NLGN1: variants seen among roughly 807,000 people sequenced by gnomAD.
NLGN1 encodes the protein neuroligin 1, also known as neuroligin-1.
Under a neutral mutation model 65.5 loss-of-function variants are expected in NLGN1, and 12 were observed. That is an observed-to-expected ratio of 0.18 (90% CI 0.12 to 0.30). NLGN1 has a LOEUF of 0.30. Ranked by LOEUF, NLGN1 falls within the 10% of genes least tolerant of loss-of-function variation. The probability of loss-of-function intolerance (pLI) is 1.00; values close to 1 mark genes in which losing one functional copy is unlikely to be tolerated. For missense variants in NLGN1, 750 were observed against 1,007.1 expected, an observed-to-expected ratio of 0.74 and a Z score of 3.46; for synonymous variants, 350 against 359.5, an observed-to-expected ratio of 0.97 and a Z score of 0.30.
chr3:173,998,032 G>A (rs554772531), intron 4 of NLGN1, among the ~76,000 whole-genome samples: 1 of 152,114 alleles, frequency 6.6e-6, no homozygotes, highest in Non-Finnish European at 1.5e-5. Flanking sequence ...CTTGAGATTA[G>A]CCAAGGAGAT....
intron 4 of NLGN1, among the ~76,000 whole-genome samples, chr3:173,963,116 A>G (rs1177038159): frequency 1.3e-5 from 2 of 152,100 alleles, no homozygotes; most frequent in Non-Finnish European, 2.9e-5. Flanking sequence ...AAAATGCATT[A>G]TCTCATCTGA....
intron 3 of NLGN1, among the ~76,000 whole-genome samples, chr3:173,800,531 A>C (rs1454343568): frequency 6.6e-6 from 1 of 151,618 alleles, no homozygotes; most frequent in Non-Finnish European, 1.5e-5. Context: ...TTTTTAAAAA[A>C]TTAATATTAA....
At chr3:173,733,413 CT>C (rs1362293093) in intron 3 of NLGN1, among the ~76,000 whole-genome samples, 1 of 152,098 alleles carries the variant, frequency 6.6e-6, no homozygotes, top group Non-Finnish European at 1.5e-5. Context: ...TTCCTTCTCT[CT>C]TTCCCTTTCC....
chr3:173,468,761 T>TA (rs1724808669), intron 2 of NLGN1, among the ~76,000 whole-genome samples: 1 of 152,030 alleles, frequency 6.6e-6, no homozygotes, highest in Non-Finnish European at 1.5e-5. Flanking sequence ...TAATGACTTT[T>TA]AAAAAATAGC....
chr3:173,568,214 TTTTCC>T (rs935967285), intron 2 of NLGN1, among the ~76,000 whole-genome samples: 2 of 143,848 alleles, frequency 1.4e-5, no homozygotes, highest in Admixed American at 1.5e-4. Context: ...TTTCCTTTCC[TTTTCC>T]TTTCCTTTCC....
intron 4 of NLGN1, among the ~76,000 whole-genome samples, chr3:173,819,282 C>G (rs1005887324): frequency 1.3e-5 from 2 of 152,070 alleles, no homozygotes; most frequent in Non-Finnish European, 2.9e-5. Flanking sequence ...AATTCATATG[C>G]CAATTGCATC....
At chr3:173,408,779 G>T (rs1269449526) in intron 1 of NLGN1, among the ~76,000 whole-genome samples, 1 of 152,042 alleles carries the variant, frequency 6.6e-6, no homozygotes, top group African/African-American at 2.4e-5. Context: ...GGGCGTGGTG[G>T]CGGGTGCCTG....
At chr3:174,008,030 T>C (rs950905477) in intron 4 of NLGN1, among the ~76,000 whole-genome samples, 1 of 151,992 alleles carries the variant, frequency 6.6e-6, no homozygotes, top group African/African-American at 2.4e-5. Context: ...TGCAGAAGGA[T>C]GTATTTGCCC....
chr3:173,841,147 T>TTATATA (rs34913436), intron 4 of NLGN1, among the ~76,000 whole-genome samples: 42 of 149,990 alleles, frequency 2.8e-4, no homozygotes, highest in Middle Eastern at 3.4e-3. Flanking sequence ...ATATCTATAG[T>TTATATA]TATATATATA....
intron 4 of NLGN1, among the ~76,000 whole-genome samples, chr3:174,272,698 G>GATAGATAT (rs1193341427): frequency 6.6e-6 from 1 of 150,546 alleles, no homozygotes; most frequent in Non-Finnish European, 1.5e-5. Context: ...TAGATAGATA[G>GATAGATAT]ATAGATAGAT....
intron 3 of NLGN1, among the ~76,000 whole-genome samples, chr3:173,659,150 A>G (rs190325844): frequency 9.9e-4 from 151 of 152,134 alleles, no homozygotes; most frequent in Non-Finnish European, 2.0e-3. Flanking sequence ...TATTGAGAGC[A>G]ATAACCAGTG....
intron 4 of NLGN1, among the ~76,000 whole-genome samples, chr3:174,148,816 G>A (rs1421789436): frequency 6.6e-6 from 1 of 152,120 alleles, no homozygotes; most frequent in Non-Finnish European, 1.5e-5. Context: ...GTATGTGCAT[G>A]ATACAGTGGT....
chr3:173,816,802 T>C (rs940699853), intron 4 of NLGN1, among the ~76,000 whole-genome samples: 1 of 152,244 alleles, frequency 6.6e-6, no homozygotes, highest in Non-Finnish European at 1.5e-5. Context: ...CCCAGATCTT[T>C]GTGGGGCCAG....
intron 3 of NLGN1, among the ~76,000 whole-genome samples, chr3:173,732,466 C>T (rs548335200): frequency 2.0e-5 from 3 of 152,124 alleles, no homozygotes; most frequent in African/African-American, 4.8e-5. Flanking sequence ...AAGTGCTGCA[C>T]ATAGCTGCTT....
intron 4 of NLGN1, among the ~76,000 whole-genome samples, chr3:174,060,865 A>G (rs937942680): frequency 1.3e-5 from 2 of 152,096 alleles, no homozygotes; most frequent in Admixed American, 1.3e-4. Context: ...GAACTGAGAT[A>G]GGACACTTAA....
intron 2 of NLGN1, among the ~76,000 whole-genome samples, chr3:173,460,668 T>C (rs1197851576): frequency 6.6e-6 from 1 of 152,172 alleles, no homozygotes; most frequent in African/African-American, 2.4e-5. Context: ...GGCCAAAAGT[T>C]AGATACACTC....
chr3:174,143,671 G>T (rs185295363), intron 4 of NLGN1, among the ~76,000 whole-genome samples: 1 of 151,988 alleles, frequency 6.6e-6, no homozygotes, highest in Admixed American at 6.6e-5. Flanking sequence ...GCACTCTTTG[G>T]CAAAACCACA....
chr3:173,502,392 C>T (rs528596068), intron 2 of NLGN1, among the ~76,000 whole-genome samples: 1 of 152,108 alleles, frequency 6.6e-6, no homozygotes, highest in African/African-American at 2.4e-5. Flanking sequence ...TCTTAGATGA[C>T]ACAAATTAAG....
intron 3 of NLGN1, among the ~76,000 whole-genome samples, chr3:173,631,048 G>A (rs1257804788): frequency 5.3e-5 from 8 of 152,040 alleles, no homozygotes; most frequent in Non-Finnish European, 1.0e-4. Context: ...TGACTGCTCC[G>A]CCTTCTTTGT....
Sources: gnomAD v4.1 joint callset for allele counts (sites outside exome capture counted in the v4.1 genomes callset) on GRCh38, gnomAD v4.1.1 for gene constraint, MANE v1.5 for transcripts, NCBI Gene and HGNC (gene_info 2026-07-23, HGNC 2026-07-21) for gene names.